OSBPL1A: variants seen among roughly 807,000 people sequenced by gnomAD.
OSBPL1A encodes the protein oxysterol-binding protein-related protein 1.
In OSBPL1A, 80 loss-of-function variants were observed where a neutral mutation model predicts 137.1. That is an observed-to-expected ratio of 0.58 (90% CI 0.49 to 0.70). OSBPL1A has a LOEUF of 0.70. Ranked by LOEUF, OSBPL1A falls within the 30% of genes least tolerant of loss-of-function variation. The pLI, the probability that OSBPL1A is intolerant of heterozygous loss-of-function variation, is 0.00. For synonymous variants in OSBPL1A, 365 were observed against 389.7 expected, an observed-to-expected ratio of 0.94 and a Z score of 0.75; for missense variants, 970 against 1,129.4, an observed-to-expected ratio of 0.86 and a Z score of 2.02.
At chr18:24,351,948 T>C (rs1393690111) in intron 4 of OSBPL1A, among the ~76,000 whole-genome samples, 1 of 152,208 alleles carries the variant, frequency 6.6e-6, no homozygotes, top group East Asian at 1.9e-4. Context: ...TCAATATTTA[T>C]TTAACCAAAA....
chr18:24,211,146 T>C (rs571133262), intron 17 of OSBPL1A, among the ~76,000 whole-genome samples: 2 of 152,170 alleles, frequency 1.3e-5, no homozygotes, highest in African/African-American at 4.8e-5. Context: ...TTTGTATTTT[T>C]AGTAGAGACA....
chr18:24,205,609 G>C (rs1009124539), intron 17 of OSBPL1A, among the ~76,000 whole-genome samples: 7 of 152,116 alleles, frequency 4.6e-5, no homozygotes, highest in African/African-American at 1.7e-4. Flanking sequence ...TCAACATGAA[G>C]TAGAGATTGA....
At chr18:24,230,771 C>T (rs1265289577) in intron 16 of OSBPL1A, among the ~76,000 whole-genome samples, 1 of 152,170 alleles carries the variant, frequency 6.6e-6, no homozygotes, top group African/African-American at 2.4e-5. Context: ...TGAAAAACAG[C>T]ATAAAAGATT....
intron 7 of OSBPL1A, among the ~76,000 whole-genome samples, chr18:24,320,874 CA>C (rs1180022026): frequency 2.0e-5 from 3 of 151,476 alleles, no homozygotes; most frequent in African/African-American, 7.3e-5. Flanking sequence ...ACTAAAAATA[CA>C]AAAATTAGCT....
intron 4 of OSBPL1A, among the ~76,000 whole-genome samples, chr18:24,359,632 GC>G (rs2091592353): frequency 6.6e-6 from 1 of 151,390 alleles, no homozygotes; most frequent in African/African-American, 2.4e-5. Context: ...AGCTATGAGG[GC>G]CCCACTGCAC....
intron 17 of OSBPL1A, among the ~76,000 whole-genome samples, chr18:24,211,688 G>A (rs1369028005): frequency 6.6e-6 from 1 of 151,980 alleles, no homozygotes; most frequent in Non-Finnish European, 1.5e-5. Context: ...ATTCGGCCAG[G>A]CGCAGTGTCT....
At chr18:24,318,461 T>A in intron 9 of OSBPL1A, 140 bp downstream of exon 9, 1 of 718,400 alleles carries the variant, frequency 1.4e-6, no homozygotes, top group Non-Finnish European at 2.3e-6. Flanking sequence ...AAAAAAAAAA[T>A]CAGTGGTTTA....
At position 24,166,694 on chromosome 18, in the gene OSBPL1A, A is replaced by G. The variant is rs779512823; in HGVS notation, c.2544T>C (p.Asn848=). ...TCAAAACCATTGCAAAACTAGTAAAATTATACATCTGAAAAGAAGCAAAAG... is the reference window on the plus strand; with the variant it reads ...TCAAAACCATTGCAAAACTAGTAAAGTTATACATCTGAAAAGAAGCAAAAG... ...PRPPNSAQMY[N]FTSFAMVLNE... The change falls in exon 26 of 28, where the codon AAT becomes AAC. Residue 848 remains asparagine, a synonymous_variant. Coordinates refer to ENST00000319481, the MANE Select transcript of OSBPL1A (RefSeq NM_080597.4). 32 of 1,608,312 alleles carry G rather than the reference A, an allele frequency of 2.0e-5. No individual in the cohort carries two copies. Among genetic ancestry groups the G allele is most frequent in the Non-Finnish European group, 2.1e-5 (25 of 1,178,654 alleles).
intron 2 of OSBPL1A, among the ~76,000 whole-genome samples, chr18:24,376,725 G>C (rs1402831007): frequency 6.6e-6 from 1 of 152,248 alleles, no homozygotes; most frequent in East Asian, 1.9e-4. Context: ...GCCCTGCCCC[G>C]CAGGAAGGCA....
At chr18:24,329,151 G>A (rs2091032157) in intron 7 of OSBPL1A, among the ~76,000 whole-genome samples, 1 of 152,190 alleles carries the variant, frequency 6.6e-6, no homozygotes, top group African/African-American at 2.4e-5. Flanking sequence ...GGAGGCTGAG[G>A]CAAAAGGGTC....
At chr18:24,231,196 T>C (rs2088266173) in intron 16 of OSBPL1A, among the ~76,000 whole-genome samples, 1 of 152,226 alleles carries the variant, frequency 6.6e-6, no homozygotes, top group Admixed American at 6.5e-5. Context: ...GATTAGTTCC[T>C]CAATTAAAAC....
At chr18:24,182,705 G>A (rs1420455389) in intron 18 of OSBPL1A, among the ~76,000 whole-genome samples, 1 of 152,068 alleles carries the variant, frequency 6.6e-6, no homozygotes, top group Non-Finnish European at 1.5e-5. Context: ...CTGCATCACT[G>A]GGGAGATGAG....
chr18:24,171,503 A>G lies in OSBPL1A; in HGVS notation c.2202-5T>C. 6.2e-7 allele frequency: 1 copy of G among 1,604,674 alleles called. No individual in the cohort carries two copies. On this transcript the variant is annotated splice_region_variant and splice_polypyrimidine_tract_variant and intron_variant, in intron 22 of 27. Transcript: ENST00000319481. ...AACACACATTTGTCCCCAGTCCTAT[A>G]AAGAAAATACTAAGTTCAGATTATC...
intron 15 of OSBPL1A, among the ~76,000 whole-genome samples, chr18:24,242,848 A>G (rs957530495): frequency 3.3e-5 from 5 of 152,352 alleles, no homozygotes; most frequent in Middle Eastern, 3.4e-3. Flanking sequence ...TCTGAAAAAT[A>G]CTTGCAAATA....
chr18:24,348,546 G>A (rs2091385428), intron 4 of OSBPL1A, among the ~76,000 whole-genome samples: 1 of 152,130 alleles, frequency 6.6e-6, no homozygotes, highest in Admixed American at 6.5e-5. Context: ...GCTGAGGTAG[G>A]TGGATCACTT....
intron 24 of OSBPL1A, 42 bp downstream of exon 24, chr18:24,170,285 G>C (rs2086243398): frequency 6.2e-7 from 1 of 1,611,100 alleles, no homozygotes; most frequent in African/African-American, 1.3e-5. Context: ...ACACATTGAA[G>C]AATCCAGTTA....
At chr18:24,302,188 C>T (rs1172520230) in intron 14 of OSBPL1A, among the ~76,000 whole-genome samples, 6 of 147,990 alleles carry the variant, frequency 4.1e-5, no homozygotes, top group Non-Finnish European at 8.9e-5. Flanking sequence ...GAGCCAAGAT[C>T]GCGCCACTGC....
chr18:24,367,674 C>T (rs2091722522), intron 3 of OSBPL1A: 1 of 150,394 alleles, frequency 6.6e-6, no homozygotes, highest in Non-Finnish European at 1.5e-5. Flanking sequence ...AATCCATACA[C>T]CTTCACTCTA....
In OSBPL1A at chr18:24,163,068, T is replaced by C. The variant is rs912755860; in HGVS notation, c.*111A>G. 2 of 733,530 alleles carry C rather than the reference T, an allele frequency of 2.7e-6. No homozygotes were observed. The highest frequency in any genetic ancestry group is 3.5e-5 in the Admixed American group (1 of 28,322). The allele number at this position is 733,530 out of a possible 1,614,324, so 45.4% of individuals were successfully genotyped here. A position where few individuals can be genotyped will look rare whatever the true frequency, so the allele number is the denominator to read the frequency against. The stretch of plus-strand genomic sequence containing the variant: ...GTGAAATGCAGTTATCTCATGAGTG[T>C]TTTTTCATTTTTTTTTTTAAAAGAT... On this transcript the variant is annotated 3_prime_UTR_variant, in exon 28 of 28. Coordinates refer to ENST00000319481, the MANE Select transcript of OSBPL1A (RefSeq NM_080597.4).
Sources: allele counts gnomAD v4.1 joint callset (sites outside exome capture counted in the v4.1 genomes callset), GRCh38; gene constraint gnomAD v4.1.1; transcripts MANE v1.5; gene names NCBI Gene and HGNC (gene_info 2026-07-23, HGNC 2026-07-21).